Variants in PRORP observed in about 807,000 individuals in gnomAD.
PRORP encodes protein only RNase P catalytic subunit.
PRORP carries 51 observed loss-of-function variants against 59.4 expected under a neutral mutation model. That is an observed-to-expected ratio of 0.86 (90% confidence interval 0.69 to 1.08). The LOEUF (loss-of-function observed/expected upper bound fraction) is 1.08. Ranked by LOEUF, PRORP falls within the 50% of genes least tolerant of loss-of-function variation. PRORP has a pLI of 0.00. For missense variants in PRORP, 646 were observed against 690.3 expected, an observed-to-expected ratio of 0.94 and a Z score of 0.72; for synonymous variants, 231 against 245.6, an observed-to-expected ratio of 0.94 and a Z score of 0.55.
chr14:35,186,578 T>C (rs1272357699), intron 5 of PRORP, among the ~76,000 whole-genome samples: 1 of 151,702 alleles, frequency 6.6e-6, no homozygotes, highest in Non-Finnish European at 1.5e-5. Context: ...TTCTGTCTTT[T>C]CCTTTTTTCT....
chr14:35,123,096 A>T lies in PRORP; in HGVS notation c.-150A>T, dbSNP rs1201524376. ...GCTTTTAAGTAGCCCCAAAAGCAGA[A>T]CCTTGATTTGTCTGTAAGGAAGAAA... On this transcript the variant is annotated 5_prime_UTR_variant, in exon 2 of 8. Coordinates refer to ENST00000534898, the MANE Select transcript of PRORP (RefSeq NM_014672.4). 1.3e-6 allele frequency: 1 copy of T among 796,988 alleles called. No homozygotes were observed. 49.4% of individuals were successfully genotyped at this position (796,988 alleles called of 1,614,324 possible).
intron 5 of PRORP, among the ~76,000 whole-genome samples, chr14:35,238,472 C>T (rs1466944286): frequency 2.0e-5 from 3 of 152,082 alleles, no homozygotes; most frequent in Admixed American, 1.3e-4. Flanking sequence ...CTGGCAATGT[C>T]ACAGGAGAAA....
Position 35,275,479 on chromosome 14 carries a change from A to G in PRORP, c.*1913A>G, listed in dbSNP as rs1426393729. The stretch of plus-strand genomic sequence containing the variant: ...CATTAAAAGATACTGCAAAAGCTCT[A>G]ATAAATTCAGTCTGCTTATTTTCCA... On this transcript the variant is annotated 3_prime_UTR_variant, in exon 8 of 8. Coordinates refer to ENST00000534898, the MANE Select transcript of PRORP (RefSeq NM_014672.4). 1 of 152,238 alleles carries G rather than the reference A, an allele frequency of 6.6e-6. No individual in the cohort carries two copies. Among genetic ancestry groups the G allele is most frequent in the East Asian group, 1.9e-4 (1 of 5,200 alleles). 9.4% of individuals were successfully genotyped at this position (152,238 alleles called of 1,614,324 possible). A position where few individuals can be genotyped will look rare whatever the true frequency, so the allele number is the denominator to read the frequency against.
At position 35,155,595 on chromosome 14, in the gene PRORP, A is replaced by G. The variant is rs993372826; in HGVS notation, c.1168-25075A>G. Among the ~76,000 whole-genome samples the G allele has an allele frequency of 4.6e-5, 7 of 150,932 alleles. No homozygotes were observed. In the South Asian group the frequency reaches 1.5e-3, roughly 32 times the overall value. ...AAAAAAAAAAAAAGCTGACAAATAC[A>G]CATATGCTTTCAGGATAGAAGTTAT... On this transcript the variant is annotated intron_variant, in intron 4 of 7. Coordinates refer to ENST00000534898, the MANE Select transcript of PRORP (RefSeq NM_014672.4).
chr14:35,252,512 A>G (rs915792456), intron 5 of PRORP, among the ~76,000 whole-genome samples: 3 of 152,204 alleles, frequency 2.0e-5, no homozygotes, highest in Non-Finnish European at 2.9e-5. Flanking sequence ...GCCTTCTTTC[A>G]TGGTGCAGGC....
chr14:35,147,669 GT>G (rs2047644420), intron 4 of PRORP, among the ~76,000 whole-genome samples: 1 of 152,194 alleles, frequency 6.6e-6, no homozygotes, highest in Non-Finnish European at 1.5e-5. Flanking sequence ...CAATAATGAA[GT>G]TTGCCACATA....
At chr14:35,174,166 C>T (rs1271772159) in intron 4 of PRORP, among the ~76,000 whole-genome samples, 2 of 151,946 alleles carry the variant, frequency 1.3e-5, no homozygotes, top group African/African-American at 2.4e-5. Flanking sequence ...TAGACATCAC[C>T]TTTTGAGAGG....
chr14:35,270,655 G>A (rs941024699), intron 7 of PRORP, 59 bp downstream of exon 7: 35 of 1,454,694 alleles, frequency 2.4e-5, no homozygotes, highest in Non-Finnish European at 3.2e-5. Flanking sequence ...TAAGAATGTG[G>A]CATAGAAAAA....
Position 35,188,174 on chromosome 14 carries a change from A to T in PRORP, c.1275+7397A>T, listed in dbSNP as rs1170505852. The stretch of plus-strand genomic sequence containing the variant: ...TGCCCATTTTTAATTGTTTTTTATT[A>T]TTATTGTTGAGTTGTAATTTTTTTT... On this transcript the variant is annotated intron_variant, in intron 5 of 7. Transcript: ENST00000534898. 2.2e-5 allele frequency among the ~76,000 whole-genome samples: 3 copies of T among 134,618 alleles called. No individual in the cohort carries two copies. In the Admixed American group the frequency reaches 2.3e-4, roughly 10 times the overall value. The allele number at this position is 134,618 out of a possible 152,430, so 88.3% of individuals were successfully genotyped here.
chr14:35,230,015 G>C (rs932640407), intron 5 of PRORP, among the ~76,000 whole-genome samples: 3 of 150,402 alleles, frequency 2.0e-5, no homozygotes, highest in Non-Finnish European at 4.4e-5. Context: ...TTCTCAAGAA[G>C]CTCGAGTGCC....
rs149598596 is a variant in PRORP at position 35,197,259 on chromosome 14, G to C, written c.1275+16482G>C. Reference sequence around the variant, plus strand: ...TTGTGTATATCTTGCTTCCATCACAGTGTTTTAAAACACTCTCATTGAGAG... The same window carrying C: ...TTGTGTATATCTTGCTTCCATCACACTGTTTTAAAACACTCTCATTGAGAG... On this transcript the variant is annotated intron_variant, in intron 5 of 7. Coordinates refer to ENST00000534898, the MANE Select transcript of PRORP (RefSeq NM_014672.4). 2.0e-3 allele frequency among the ~76,000 whole-genome samples: 304 copies of C among 152,244 alleles called. 1 individual carries two copies. Among genetic ancestry groups the C allele is most frequent in the African/African-American group, 7.1e-3 (293 of 41,554 alleles).
chr14:35,239,114 T>C (rs2050293081), intron 5 of PRORP, among the ~76,000 whole-genome samples: 1 of 151,982 alleles, frequency 6.6e-6, no homozygotes, highest in South Asian at 2.1e-4. Context: ...CCTAGCACTT[T>C]AGGAGGCGAG....
chr14:35,225,428 C>T (rs553641776), intron 5 of PRORP, among the ~76,000 whole-genome samples: 2 of 152,022 alleles, frequency 1.3e-5, no homozygotes, highest in Non-Finnish European at 2.9e-5. Flanking sequence ...CTCACTACAA[C>T]CTCTGCCTCC....
rs1042068888 is a variant in PRORP, at chr14:35,145,031, C to T, written c.1167+17420C>T. On this transcript the variant is annotated intron_variant, in intron 4 of 7. Coordinates refer to ENST00000534898, the MANE Select transcript of PRORP (RefSeq NM_014672.4). ...TGTCACCCAAACTAGAGTGCAGTGG[C>T]GTGATCATAGCTCATTGCAGCCTCA... Among the ~76,000 whole-genome samples the T allele has an allele frequency of 1.5e-4, 22 of 145,314 alleles. 3 individuals carry two copies. The highest frequency in any genetic ancestry group is 5.7e-4 in the Admixed American group (8 of 13,938).
chr14:35,268,165 T>C (rs970325409), intron 6 of PRORP, among the ~76,000 whole-genome samples: 2 of 151,730 alleles, frequency 1.3e-5, no homozygotes, highest in African/African-American at 4.8e-5. Flanking sequence ...CTGGCCAACA[T>C]AGTGAACCCC....
At chr14:35,218,588 G>A (rs555954945) in intron 5 of PRORP, among the ~76,000 whole-genome samples, 23 of 133,730 alleles carry the variant, frequency 1.7e-4, no homozygotes, top group Non-Finnish European at 2.4e-4. Context: ...ATGCAGCGGC[G>A]CGATCTCAGC....
chr14:35,207,193 A>G (rs1398476533), intron 5 of PRORP, among the ~76,000 whole-genome samples: 5 of 152,220 alleles, frequency 3.3e-5, no homozygotes, highest in African/African-American at 1.2e-4. Context: ...GGGCACATGC[A>G]TATATTTATA....
rs1224978459 is a variant in PRORP, at chr14:35,277,587, T to C, written c.*4021T>C. ...AAAATACAAGAGACAGGAACACAGATGAATAAATGTAATAAAATTTGAGAA... is the reference window on the plus strand; with the variant it reads ...AAAATACAAGAGACAGGAACACAGACGAATAAATGTAATAAAATTTGAGAA... On this transcript the variant is annotated 3_prime_UTR_variant, in exon 8 of 8. Transcript: ENST00000534898. 1 of 152,174 alleles carries C rather than the reference T, an allele frequency of 6.6e-6. No homozygotes were observed. The highest frequency in any genetic ancestry group is 1.5e-5 in the Non-Finnish European group (1 of 68,028). 9.4% of individuals were successfully genotyped at this position (152,174 alleles called of 1,614,324 possible).
intron 5 of PRORP, among the ~76,000 whole-genome samples, chr14:35,241,772 C>T (rs552313082): frequency 4.8e-4 from 73 of 152,126 alleles, no homozygotes; most frequent in Non-Finnish European, 9.1e-4. Flanking sequence ...CTCCACTGGT[C>T]CTAAAATTCT....
Sources: allele counts gnomAD v4.1 joint callset (sites outside exome capture counted in the v4.1 genomes callset), GRCh38; gene constraint gnomAD v4.1.1; transcripts MANE v1.5; gene names NCBI Gene and HGNC (gene_info 2026-07-23, HGNC 2026-07-21).